Variants in NCKAP5 observed in about 807,000 individuals in gnomAD.
NCKAP5 encodes the protein nck-associated protein 5.
Under a neutral mutation model 167.0 loss-of-function variants are expected in NCKAP5, and 92 were observed. The observed-to-expected ratio is 0.55, with a 90% CI of 0.47 to 0.66. NCKAP5 has a LOEUF of 0.66. Ranked by LOEUF, NCKAP5 falls within the 30% of genes least tolerant of loss-of-function variation. The pLI, the probability that NCKAP5 is intolerant of heterozygous loss-of-function variation, is 0.00. For missense variants in NCKAP5, 2,378 were observed against 2,315.0 expected (o/e 1.03, Z -0.56); for synonymous variants, 891 against 877.4 (o/e 1.02, Z -0.27).
chr2:133,112,159 T>A lies in NCKAP5; in HGVS notation c.341+17819A>T, dbSNP rs556524014. ...GGTCTTATGACCTTAGCCCTCTGAGTCACAGTTTATTCATCTTTAAAATAG... is the reference window on the plus strand; with the variant it reads ...GGTCTTATGACCTTAGCCCTCTGAGACACAGTTTATTCATCTTTAAAATAG... On this transcript the variant is annotated intron_variant, in intron 6 of 19. Coordinates refer to ENST00000409261, the MANE Select transcript of NCKAP5 (RefSeq NM_207363.3). 1.1e-4 allele frequency among the ~76,000 whole-genome samples: 16 copies of A among 152,236 alleles called. No homozygotes were observed. In the South Asian group the frequency reaches 3.3e-3, roughly 32 times the overall value.
chr2:133,090,981 G>GT (rs142403884), intron 6 of NCKAP5, among the ~76,000 whole-genome samples: 2,459 of 152,140 alleles, frequency 0.016, 31 homozygotes, highest in Non-Finnish European at 0.023. Context: ...GATCATGGAG[G>GT]TAGATATCCC....
At chr2:133,194,334 C>G (rs1036027342) in intron 5 of NCKAP5, among the ~76,000 whole-genome samples, 2 of 151,334 alleles carry the variant, frequency 1.3e-5, no homozygotes, top group African/African-American at 4.9e-5. Context: ...TACCCAATGG[C>G]TGAAAAAAAA....
At chr2:133,466,008 G>A (rs1052957027) in intron 3 of NCKAP5, among the ~76,000 whole-genome samples, 16 of 151,888 alleles carry the variant, frequency 1.1e-4, no homozygotes, top group African/African-American at 3.9e-4. Flanking sequence ...AAGTTCTTTA[G>A]TTTAATGAGA....
chr2:132,786,482 A>C (rs1044452637), intron 13 of NCKAP5, among the ~76,000 whole-genome samples: 1 of 152,252 alleles, frequency 6.6e-6, no homozygotes, highest in African/African-American at 2.4e-5. Flanking sequence ...ATTCGCTGTT[A>C]GAACCTGACA....
chr2:133,298,618 T>C lies in NCKAP5; in HGVS notation c.143+4419A>G, dbSNP rs1182028749. Among the ~76,000 whole-genome samples, 3 of 152,212 alleles carry C rather than the reference T, an allele frequency of 2.0e-5. No homozygotes were observed. In the East Asian group the frequency reaches 5.8e-4, roughly 29 times the overall value. On this transcript the variant is annotated intron_variant, in intron 4 of 19. Transcript: ENST00000409261. ...TGAAACCATTATTCATCTATAATAA[T>C]GCGTGTAAGATACACTTACTAACCA...
chr2:132,773,765 T>C (rs780320094), intron 16 of NCKAP5, 51 bp downstream of exon 16: 30 of 1,381,570 alleles, frequency 2.2e-5, no homozygotes, highest in Admixed American at 5.5e-5. Context: ...GGAAGAAGGA[T>C]ACATTTAGAA....
chr2:133,062,558 G>A (rs1199823236), intron 6 of NCKAP5, among the ~76,000 whole-genome samples: 1 of 152,232 alleles, frequency 6.6e-6, no homozygotes, highest in Non-Finnish European at 1.5e-5. Context: ...CTCAATAGTT[G>A]TGAGAACAAA....
intron 2 of NCKAP5, among the ~76,000 whole-genome samples, chr2:133,536,701 T>C (rs565118461): frequency 6.6e-6 from 1 of 152,120 alleles, no homozygotes; most frequent in African/African-American, 2.4e-5. Flanking sequence ...TTATATATTC[T>C]GGTTAGAAGT....
intron 6 of NCKAP5, among the ~76,000 whole-genome samples, chr2:133,106,618 G>A (rs980598732): frequency 5.3e-5 from 8 of 152,184 alleles, no homozygotes; most frequent in Admixed American, 4.6e-4. Flanking sequence ...TCATTTCTAA[G>A]TAATGACTTT....
intron 11 of NCKAP5, among the ~76,000 whole-genome samples, chr2:132,803,847 C>T (rs548288453): frequency 8.5e-5 from 13 of 152,134 alleles, no homozygotes; most frequent in Admixed American, 7.9e-4. Context: ...CTGACAATAT[C>T]CCTGAGCAGA....
intron 15 of NCKAP5, among the ~76,000 whole-genome samples, chr2:132,776,330 C>T (rs1682542948): frequency 6.6e-6 from 1 of 152,148 alleles, no homozygotes; most frequent in Non-Finnish European, 1.5e-5. Flanking sequence ...GTTCCGTGCC[C>T]CTTCTCCACC....
intron 19 of NCKAP5, among the ~76,000 whole-genome samples, chr2:132,710,985 T>C (rs766668771): frequency 3.9e-5 from 6 of 152,228 alleles, no homozygotes; most frequent in Non-Finnish European, 7.3e-5. Context: ...ATGAAGAGAA[T>C]GATTTATTTC....
At chr2:133,461,252 T>G (rs1408504741) in intron 3 of NCKAP5, among the ~76,000 whole-genome samples, 1 of 152,198 alleles carries the variant, frequency 6.6e-6, no homozygotes, top group South Asian at 2.1e-4. Context: ...CTTTTTCCAT[T>G]CATTTTCTGT....
chr2:133,100,019 C>T (rs746799367), intron 6 of NCKAP5, among the ~76,000 whole-genome samples: 4 of 152,296 alleles, frequency 2.6e-5, no homozygotes, highest in Middle Eastern at 3.4e-3. Context: ...ATTGAATATG[C>T]GTTCTCAGTG....
chr2:133,646,845 G>A, the NCKAP5 span, among the ~76,000 whole-genome samples: 2 of 152,128 alleles, frequency 1.3e-5, no homozygotes, highest in African/African-American at 4.8e-5. Context: ...CGTATGTAGG[G>A]AGGGAGAAGT....
chr2:133,148,659 G>T (rs951478714), intron 5 of NCKAP5, among the ~76,000 whole-genome samples: 1 of 152,070 alleles, frequency 6.6e-6, no homozygotes, highest in Non-Finnish European at 1.5e-5. Flanking sequence ...AGTCCATTCA[G>T]TTCCTGGTGA....
intron 19 of NCKAP5, among the ~76,000 whole-genome samples, chr2:132,712,666 A>C (rs1395193892): frequency 6.6e-6 from 1 of 151,970 alleles, no homozygotes; most frequent in African/African-American, 2.4e-5. Context: ...AAAGAAAGGA[A>C]AAAAAAAGAA....
At chr2:133,162,663 T>C (rs1246653563) in intron 5 of NCKAP5, among the ~76,000 whole-genome samples, 1 of 152,194 alleles carries the variant, frequency 6.6e-6, no homozygotes, top group Non-Finnish European at 1.5e-5. Context: ...TTTAATTGAC[T>C]TCTTGATGCA....
At chr2:133,244,019 A>G (rs977090512) in intron 4 of NCKAP5, among the ~76,000 whole-genome samples, 1 of 152,340 alleles carries the variant, frequency 6.6e-6, no homozygotes, top group African/African-American at 2.4e-5. Flanking sequence ...AAGCTAAAAT[A>G]TAAACTGATA....
Sources: gnomAD v4.1 joint callset for allele counts (sites outside exome capture counted in the v4.1 genomes callset) on GRCh38, gnomAD v4.1.1 for gene constraint, MANE v1.5 for transcripts, NCBI Gene and HGNC (gene_info 2026-07-23, HGNC 2026-07-21) for gene names.